Variants in PCDHGB7 observed in about 807,000 individuals in gnomAD.
PCDHGB7 encodes the protein protocadherin gamma subfamily B, 7, also known as protocadherin gamma-B7.
In PCDHGB7, 37 loss-of-function variants were observed where a neutral mutation model predicts 61.4. The ratio of observed to expected loss-of-function variants is 0.60; its 90% CI spans 0.46 to 0.79. PCDHGB7 has a LOEUF of 0.79. Among genes scored for constraint, PCDHGB7 ranks in the 30% least tolerant of loss-of-function variants. The probability of loss-of-function intolerance (pLI) is 0.00; values close to 1 mark genes in which losing one functional copy is unlikely to be tolerated. For synonymous variants in PCDHGB7, 464 were observed against 503.5 expected (o/e 0.92, Z 1.05); for missense variants, 1,166 against 1,202.5 (o/e 0.97, Z 0.45).
At chr5:141,422,812 T>A in intron 1 of PCDHGB7, 1 of 1,614,206 alleles carries the variant, frequency 6.2e-7, no homozygotes, top group Non-Finnish European at 8.5e-7. Context: ...GTTTCGAGAC[T>A]TAGAACTGAG....
chr5:141,427,899 G>A, intron 1 of PCDHGB7: 1 of 1,571,372 alleles, frequency 6.4e-7, no homozygotes, highest in Non-Finnish European at 8.7e-7. Flanking sequence ...GGGCTCGCCC[G>A]CGCTCAGCGC....
intron 1 of PCDHGB7, among the ~76,000 whole-genome samples, chr5:141,449,586 C>T (rs2098645911): frequency 1.6e-5 from 2 of 125,482 alleles, no homozygotes; most frequent in East Asian, 2.3e-4. Context: ...AAGACTCTGT[C>T]TCAAAAAAAA....
chr5:141,479,767 C>G (rs2099505975), intron 1 of PCDHGB7: 1 of 152,174 alleles, frequency 6.6e-6, no homozygotes, highest in African/African-American at 2.4e-5. Flanking sequence ...AAATTCATAT[C>G]CTTAGACAGG....
At chr5:141,492,553 G>A (rs1184580300) in intron 1 of PCDHGB7, among the ~76,000 whole-genome samples, 1 of 152,148 alleles carries the variant, frequency 6.6e-6, no homozygotes, top group Non-Finnish European at 1.5e-5. Flanking sequence ...CGGGTCGCCT[G>A]GGGGGCGGCC....
chr5:141,443,251 C>T (rs200319609), intron 1 of PCDHGB7, among the ~76,000 whole-genome samples: 7 of 150,782 alleles, frequency 4.6e-5, no homozygotes, highest in East Asian at 3.9e-4. Flanking sequence ...GGCGCCAAGG[C>T]GGGTGGATCA....
Position 141,486,484 on chromosome 5 carries a change from C to A in PCDHGB7, c.2416-8323C>A. On this transcript the variant is annotated intron_variant, in intron 1 of 3. Transcript: ENST00000398594. This position sits in a 1 kb window ranked among gnomAD's most constrained non-coding sequence, Gnocchi z 5.0. ...ATGCTGGGAACCCTCCTCTCAGTAC[C>A]CACAGAACTATTTTCCTCAATATTT... is the stretch of plus-strand genomic sequence containing the variant. 5 of 1,614,102 alleles carry A rather than the reference C, an allele frequency of 3.1e-6. No homozygotes were observed. Among genetic ancestry groups the A allele is most frequent in the Non-Finnish European group, 4.2e-6 (5 of 1,179,930 alleles).
chr5:141,436,735 T>G (rs2097843412), intron 1 of PCDHGB7, among the ~76,000 whole-genome samples: 1 of 152,220 alleles, frequency 6.6e-6, no homozygotes, highest in Non-Finnish European at 1.5e-5. Context: ...AATAATGATT[T>G]TTGTGTGCTT....
intron 1 of PCDHGB7, chr5:141,421,632 G>A (rs2096589368): frequency 6.2e-7 from 1 of 1,613,846 alleles, no homozygotes; most frequent in South Asian, 1.1e-5. Context: ...CCAGCTTCCA[G>A]GAGGACGAAG....
At position 141,487,641 on chromosome 5, in the gene PCDHGB7, T is replaced by C. The variant is rs1343702532; in HGVS notation, c.2416-7166T>C. The stretch of plus-strand genomic sequence containing the variant: ...GTGAGACCTTTGCAGGCTCAACAAA[T>C]GCTTGAGGGTTATTCTGATCCAGGC... On this transcript the variant is annotated intron_variant, in intron 1 of 3. Coordinates refer to ENST00000398594, the MANE Select transcript of PCDHGB7 (RefSeq NM_018927.4). The surrounding 1 kb of genome is among the most constrained non-coding windows in gnomAD (Gnocchi z 5.0). The C allele has an allele frequency of 6.2e-7, 1 of 1,614,122 alleles. No individual in the cohort carries two copies. Among genetic ancestry groups the C allele is most frequent in the Non-Finnish European group, 8.5e-7 (1 of 1,179,998 alleles).
At chr5:141,421,678 G>T in intron 1 of PCDHGB7, 3 of 1,613,892 alleles carry the variant, frequency 1.9e-6, no homozygotes, top group Non-Finnish European at 2.5e-6. Context: ...AATTCCTGGG[G>T]CGCGATTTGC....
intron 1 of PCDHGB7, among the ~76,000 whole-genome samples, chr5:141,443,829 A>G (rs1387307023): frequency 6.6e-6 from 1 of 152,228 alleles, no homozygotes; most frequent in Non-Finnish European, 1.5e-5. Flanking sequence ...ATAATTAGGT[A>G]AAATGGGTAA....
chr5:141,489,530 G>C lies in PCDHGB7; in HGVS notation c.2416-5277G>C, dbSNP rs751249228. 17 of 1,614,092 alleles carry C rather than the reference G, an allele frequency of 1.1e-5. 1 individual carries two copies. In the South Asian group the frequency reaches 1.9e-4, roughly 18 times the overall value. ...AAGATTGACCGAGAAAGCCTATGTG[G>C]AGCCAGCACCAGCTGCCTGCTGCCA... On this transcript the variant is annotated intron_variant, in intron 1 of 3. Coordinates refer to ENST00000398594, the MANE Select transcript of PCDHGB7 (RefSeq NM_018927.4). The surrounding 1 kb of genome is among the most constrained non-coding windows in gnomAD (Gnocchi z 4.5).
intron 1 of PCDHGB7, among the ~76,000 whole-genome samples, chr5:141,466,965 C>G (rs1345790988): frequency 6.6e-6 from 1 of 152,016 alleles, no homozygotes; most frequent in African/African-American, 2.4e-5. Context: ...CAAATATTTT[C>G]TCACAGCTCA....
chr5:141,423,554 A>G (rs1383467583), intron 1 of PCDHGB7: 8 of 1,613,590 alleles, frequency 5.0e-6, no homozygotes, highest in East Asian at 4.5e-5. Flanking sequence ...CAGCCCAACT[A>G]TGGGGACACG....
rs1374094845 is a variant in PCDHGB7, at chr5:141,476,576, T to A, written c.2416-18231T>A. On this transcript the variant is annotated intron_variant, in intron 1 of 3. Coordinates refer to ENST00000398594, the MANE Select transcript of PCDHGB7 (RefSeq NM_018927.4). The surrounding 1 kb of genome is among the most constrained non-coding windows in gnomAD (Gnocchi z 7.6). Reference sequence around the variant, plus strand: ...CGAGGCCGTGGCTCCGGGGACGCGCTTTCCGCTCGAGAGCGCGCACGATCC... The same window carrying A: ...CGAGGCCGTGGCTCCGGGGACGCGCATTCCGCTCGAGAGCGCGCACGATCC... 3 of 1,614,102 alleles carry A rather than the reference T, an allele frequency of 1.9e-6. No individual in the cohort carries two copies. Among genetic ancestry groups the A allele is most frequent in the Middle Eastern group, 1.6e-4 (1 of 6,084 alleles).
chr5:141,476,929 G>T lies in PCDHGB7; in HGVS notation c.2416-17878G>T, dbSNP rs1375082202. 6.2e-7 allele frequency: 1 copy of T among 1,614,136 alleles called. No homozygotes were observed. Among genetic ancestry groups the T allele is most frequent in the Admixed American group, 1.7e-5 (1 of 60,034 alleles). On this transcript the variant is annotated intron_variant, in intron 1 of 3. Transcript: ENST00000398594. This position sits in a 1 kb window ranked among gnomAD's most constrained non-coding sequence, Gnocchi z 7.6. ...TGGTACAAGTCCTTGCAACGGATCT[G>T]GATGAAGGCCCCAACGGTGAAATTA...
At position 141,419,027 on chromosome 5, in the gene PCDHGB7, GTTCCAT is replaced by G; in HGVS notation, c.1171_1176del (p.Pro391_Phe392del). On this transcript the variant is annotated inframe_deletion, in exon 1 of 4. Coordinates refer to ENST00000398594, the MANE Select transcript of PCDHGB7 (RefSeq NM_018927.4). ...AGTCAGGTGTAGCTTAAGTAGAGGT[GTTCCAT>G]TTAAGATTCATTCTTCTTCTAATAA... 6.2e-7 allele frequency: 1 copy of G among 1,613,870 alleles called. No homozygotes were observed. The highest frequency in any genetic ancestry group is 8.5e-7 in the Non-Finnish European group (1 of 1,179,806).
chr5:141,427,483 A>G lies in PCDHGB7; in HGVS notation c.2415+7209A>G, dbSNP rs759092057. The G allele has an allele frequency of 1.5e-4, 79 of 535,350 alleles. 2 individuals carry two copies. The highest frequency in any genetic ancestry group is 1.1e-3 in the South Asian group (73 of 65,268). 33.2% of individuals were successfully genotyped at this position (535,350 alleles called of 1,614,324 possible). ...ATCGAATCTTCCGCCAATAATGACT[A>G]TAAGCTTGTAACAGATGGGACCCTG... On this transcript the variant is annotated intron_variant, in intron 1 of 3. Coordinates refer to ENST00000398594, the MANE Select transcript of PCDHGB7 (RefSeq NM_018927.4).
rs199877605 is a variant in PCDHGB7 at position 141,421,311 on chromosome 5, G to A, written c.2415+1037G>A. The A allele has an allele frequency of 9.5e-5, 154 of 1,613,788 alleles. No individual in the cohort carries two copies. The African/African-American group carries it at 1.9e-3, about 20-fold the overall frequency. On this transcript the variant is annotated intron_variant, in intron 1 of 3. Coordinates refer to ENST00000398594, the MANE Select transcript of PCDHGB7 (RefSeq NM_018927.4). ...TCCTGGGGACGCTGCGGGGGTTCCG[G>A]GCCAGGCAGATCCGATATTCGGTGC... is the stretch of plus-strand genomic sequence containing the variant.
Sources: gnomAD v4.1 joint callset for allele counts (sites outside exome capture counted in the v4.1 genomes callset) on GRCh38, gnomAD v4.1.1 for gene constraint, Gnocchi (gnomAD v3.1) non-coding constraint, MANE v1.5 for transcripts, NCBI Gene and HGNC (gene_info 2026-07-23, HGNC 2026-07-21) for gene names.